Variants in SLC25A26 observed in about 807,000 individuals in gnomAD.
The protein encoded by SLC25A26 is solute carrier family 25 member 26.
A neutral mutation model predicts 37.8 loss-of-function variants in SLC25A26; 36 were observed. The ratio of observed to expected loss-of-function variants is 0.95; its 90% CI spans 0.73 to 1.26. SLC25A26 has a LOEUF of 1.26. Ranked by LOEUF, SLC25A26 falls within the 50% of genes most tolerant of loss-of-function variation. The pLI, the probability that SLC25A26 is intolerant of heterozygous loss-of-function variation, is 0.00. For missense variants in SLC25A26, 390 were observed against 331.1 expected (o/e 1.18, Z -1.38); for synonymous variants, 129 against 122.5 (o/e 1.05, Z -0.35).
At chr3:66,326,133 T>G (rs1284739206) in intron 5 of SLC25A26, among the ~76,000 whole-genome samples, 2 of 152,186 alleles carry the variant, frequency 1.3e-5, no homozygotes, top group Admixed American at 6.5e-5. Flanking sequence ...CCATATTGGC[T>G]GAGCTCAGGA....
At chr3:66,316,594 T>C (rs1354914698) in intron 5 of SLC25A26, among the ~76,000 whole-genome samples, 1 of 152,124 alleles carries the variant, frequency 6.6e-6, no homozygotes, top group East Asian at 1.9e-4. Flanking sequence ...ATTATATGTC[T>C]TGGGGTTGAT....
At chr3:66,191,432 C>A (rs1292255928) in intron 1 of SLC25A26, among the ~76,000 whole-genome samples, 2 of 151,898 alleles carry the variant, frequency 1.3e-5, no homozygotes, top group Non-Finnish European at 2.9e-5. Context: ...GTATTAGCAT[C>A]AGCAAACTCA....
chr3:66,156,995 T>A (rs140876339), intron 1 of SLC25A26, among the ~76,000 whole-genome samples: 269 of 152,196 alleles, frequency 1.8e-3, no homozygotes, highest in African/African-American at 5.4e-3. Flanking sequence ...CACTTTGGGA[T>A]GCTGAGACAG....
intron 3 of SLC25A26, among the ~76,000 whole-genome samples, chr3:66,247,996 T>C (rs895401026): frequency 5.3e-5 from 8 of 152,218 alleles, no homozygotes; most frequent in African/African-American, 1.7e-4. Flanking sequence ...TTATAAGAAA[T>C]ACTTTAGTGC....
intron 5 of SLC25A26, among the ~76,000 whole-genome samples, chr3:66,314,006 TAAG>T (rs1176019024): frequency 6.6e-6 from 1 of 152,186 alleles, no homozygotes; most frequent in African/African-American, 2.4e-5. Flanking sequence ...CTTAAAAGCT[TAAG>T]AAGCTTGTGG....
intron 1 of SLC25A26, among the ~76,000 whole-genome samples, chr3:66,230,497 A>G (rs902557946): frequency 3.9e-5 from 6 of 152,010 alleles, no homozygotes; most frequent in Admixed American, 3.9e-4. Context: ...AATAGGCAGG[A>G]GACAAGGATA....
At chr3:66,262,257 G>C in intron 4 of SLC25A26, 102 bp downstream of exon 4, 1 of 556,882 alleles carries the variant, frequency 1.8e-6, no homozygotes, top group South Asian at 3.6e-5. Flanking sequence ...GAAAACTTTA[G>C]AGCTAAATTT....
intron 1 of SLC25A26, among the ~76,000 whole-genome samples, chr3:66,180,120 G>C (rs2070671048): frequency 6.6e-6 from 1 of 152,152 alleles, no homozygotes; most frequent in African/African-American, 2.4e-5. Flanking sequence ...CTGTGAAGTA[G>C]GATTCAAGGA....
chr3:66,236,206 CTTTTTTTTTTT>C (rs1168848606), intron 1 of SLC25A26, among the ~76,000 whole-genome samples: 1 of 82,906 alleles, frequency 1.2e-5, no homozygotes, highest in Non-Finnish European at 2.2e-5. Context: ...CACATCTGGA[CTTTTTTTTTTT>C]TTTTTTTTTT....
At chr3:66,371,743 C>T (rs1384161317) in intron 9 of SLC25A26, among the ~76,000 whole-genome samples, 1 of 152,040 alleles carries the variant, frequency 6.6e-6, no homozygotes, top group African/African-American at 2.4e-5. Flanking sequence ...AGTTCCACAG[C>T]AAACAAAGGA....
At chr3:66,272,994 T>C (rs1414227458) in intron 5 of SLC25A26, among the ~76,000 whole-genome samples, 3 of 152,192 alleles carry the variant, frequency 2.0e-5, no homozygotes, top group Non-Finnish European at 4.4e-5. Context: ...TGAGAGTTTT[T>C]AGCATGAAGG....
intron 1 of SLC25A26, among the ~76,000 whole-genome samples, chr3:66,187,989 G>C (rs1422034280): frequency 2.6e-5 from 4 of 152,134 alleles, no homozygotes; most frequent in Admixed American, 2.6e-4. Flanking sequence ...TGCTGACTAT[G>C]ACCCTCCTCA....
intron 1 of SLC25A26, among the ~76,000 whole-genome samples, chr3:66,204,578 G>C (rs907366220): frequency 1.3e-5 from 2 of 152,144 alleles, no homozygotes; most frequent in Admixed American, 6.5e-5. Flanking sequence ...TGTTTTAAAA[G>C]CATTAATTAG....
intron 1 of SLC25A26, among the ~76,000 whole-genome samples, chr3:66,174,951 A>G (rs1253884372): frequency 1.3e-5 from 2 of 151,738 alleles, no homozygotes; most frequent in East Asian, 1.9e-4. Flanking sequence ...GTAGAATTGC[A>G]TGTGGACTTA....
chr3:66,316,125 T>C (rs2075532592), intron 5 of SLC25A26, among the ~76,000 whole-genome samples: 1 of 152,238 alleles, frequency 6.6e-6, no homozygotes, highest in Non-Finnish European at 1.5e-5. Flanking sequence ...TTAAGGTTAC[T>C]ATTGTTATTG....
chr3:66,258,248 C>T (rs1049082975), intron 3 of SLC25A26, among the ~76,000 whole-genome samples: 2 of 152,068 alleles, frequency 1.3e-5, no homozygotes, highest in African/African-American at 4.8e-5. Context: ...GGCCTGTTCT[C>T]CTTGCCTTCA....
intron 5 of SLC25A26, among the ~76,000 whole-genome samples, chr3:66,338,003 A>G (rs1465453476): frequency 6.6e-6 from 1 of 151,918 alleles, no homozygotes; most frequent in African/African-American, 2.4e-5. Flanking sequence ...GATATTGAAT[A>G]TTTCCCTATT....
At chr3:66,191,969 C>A (rs1445908476) in intron 1 of SLC25A26, among the ~76,000 whole-genome samples, 1 of 151,752 alleles carries the variant, frequency 6.6e-6, no homozygotes. Flanking sequence ...GAAATGGGGC[C>A]TCTAGGTCCT....
At chr3:66,258,142 A>T (rs2073378365) in intron 3 of SLC25A26, among the ~76,000 whole-genome samples, 1 of 152,156 alleles carries the variant, frequency 6.6e-6, no homozygotes, top group Non-Finnish European at 1.5e-5. Context: ...AGATCTAGAT[A>T]TCCTCCACCT....
Sources: gnomAD v4.1 joint callset for allele counts (sites outside exome capture counted in the v4.1 genomes callset) on GRCh38, gnomAD v4.1.1 for gene constraint, MANE v1.5 for transcripts, NCBI Gene and HGNC (gene_info 2026-07-23, HGNC 2026-07-21) for gene names.